The following MICAL3 variants were observed in gnomAD, a reference collection of about 807,000 sequenced individuals.
MICAL3 encodes the protein [F-actin]-monooxygenase MICAL3.
Under a neutral mutation model 207.4 loss-of-function variants are expected in MICAL3, and 62 were observed. The observed-to-expected ratio is 0.30, with a 90% CI of 0.24 to 0.37. The LOEUF is 0.37. Among genes scored for constraint, MICAL3 ranks in the 10% least tolerant of loss-of-function variants. The pLI is 1.00. For missense variants in MICAL3, 2,368 were observed against 2,635.6 expected (o/e 0.90, Z 2.22); for synonymous variants, 1,077 against 1,069.3 (o/e 1.01, Z -0.14).
In MICAL3 at chr22:17,793,192, C is replaced by T. The variant is rs1601909428; in HGVS notation, c.5651-1891G>A. Among the ~76,000 whole-genome samples, 1 of 152,312 alleles carries T rather than the reference C, an allele frequency of 6.6e-6. No homozygotes were observed. Among genetic ancestry groups the T allele is most frequent in the Non-Finnish European group, 1.5e-5 (1 of 68,014 alleles). On this transcript the variant is annotated intron_variant, in intron 29 of 31. Coordinates refer to ENST00000441493, the MANE Select transcript of MICAL3 (RefSeq NM_015241.3). The surrounding 1 kb of genome is among the most constrained non-coding windows in gnomAD (Gnocchi z 4.1). ...GTTAGCAGGGTTAGTCACGGCCACA[C>T]CCCCCACATGCCTTTCAACGACAAT...
chr22:17,962,712 T>A (rs554576049), intron 1 of MICAL3, among the ~76,000 whole-genome samples: 30,266 of 151,878 alleles, frequency 0.2, 3,159 homozygotes, highest in Middle Eastern at 0.27. Flanking sequence ...CAAGGACCCT[T>A]TGAACAGAAA....
chr22:17,893,816 G>T lies in MICAL3; in HGVS notation c.1538C>A (p.Thr513Asn). The stretch of plus-strand genomic sequence containing the variant: ...CCACCACCAGAACTCACCATTGCGA[G>T]TCAATTTGGGGGTGGTTCGGGAATT... ...LVNSRTTPKL[T>N]RNESVARSSK... Residue 513 changes from threonine to asparagine, a missense_variant, in exon 11 of 32, where the codon ACT (threonine) becomes AAT (asparagine). Thr to Asn is a moderately conservative substitution (Grantham distance 65). Around this residue, in one of 4 missense-constraint regions of MICAL3, gnomAD observed 147 missense variants for 137.7 expected, o/e 1.07. Transcript: ENST00000441493. 1 of 1,571,430 alleles carries T rather than the reference G, an allele frequency of 6.4e-7. No homozygotes were observed. The highest frequency in any genetic ancestry group is 8.6e-7 in the Non-Finnish European group (1 of 1,156,608).
At chr22:17,843,391 G>A (rs930252803) in intron 19 of MICAL3, among the ~76,000 whole-genome samples, 1 of 152,152 alleles carries the variant, frequency 6.6e-6, no homozygotes, top group African/African-American at 2.4e-5. Context: ...TGTGTCCCCT[G>A]TAATGTGAGT....
In MICAL3 at chr22:17,790,723, G is replaced by A; in HGVS notation, c.*9C>T. The A allele has an allele frequency of 6.3e-7, 1 of 1,584,830 alleles. No homozygotes were observed. Among genetic ancestry groups the A allele is most frequent in the African/African-American group, 1.3e-5 (1 of 74,268 alleles). ...GATGCCAACAGAAAATGGAGCGTTG[G>A]GTGGGAGCTCAGGACCAGTTAAGGC... is the stretch of plus-strand genomic sequence containing the variant. On this transcript the variant is annotated 3_prime_UTR_variant, in exon 32 of 32. Coordinates refer to ENST00000441493, the MANE Select transcript of MICAL3 (RefSeq NM_015241.3).
At chr22:17,903,542 G>A (rs1335906303) in intron 3 of MICAL3, among the ~76,000 whole-genome samples, 1 of 152,202 alleles carries the variant, frequency 6.6e-6, no homozygotes, top group African/African-American at 2.4e-5. Context: ...TGGAGCCTGT[G>A]ACTAATGTGC....
In MICAL3 at chr22:17,895,375, G is replaced by C. The variant is rs1447645669; in HGVS notation, c.1358C>G (p.Pro453Arg). 6.2e-7 allele frequency: 1 copy of C among 1,613,772 alleles called. No individual in the cohort carries two copies. Among genetic ancestry groups the C allele is most frequent in the East Asian group, 2.2e-5 (1 of 44,878 alleles). Residue 453 changes from proline to arginine, a missense_variant, in exon 10 of 32, where the codon CCT becomes CGT. Pro to Arg is a moderately radical substitution (Grantham distance 103). This residue lies in a region of MICAL3 where 147 missense variants were observed against 137.7 expected (regional missense o/e 1.07). Transcript: ENST00000441493. ...GCTGAAGTTCTTACTCACATTCTCA[G>C]GGGTGGTCTGAGGCAGCAACCTGTA... Reference protein sequence around the residue: ...SIYRLLPQTTPENVSKNFSQY... With the variant: ...SIYRLLPQTTRENVSKNFSQY...
chr22:17,996,221 C>T (rs1459995341), intron 1 of MICAL3, among the ~76,000 whole-genome samples: 1 of 150,212 alleles, frequency 6.7e-6, no homozygotes, highest in Non-Finnish European at 1.5e-5. Context: ...CAGTGGATCA[C>T]AAGGTCAGGA....
chr22:17,820,240 G>C (rs988845771), intron 25 of MICAL3, among the ~76,000 whole-genome samples: 1 of 151,804 alleles, frequency 6.6e-6, no homozygotes, highest in African/African-American at 2.4e-5. Context: ...CTTTCTCCCT[G>C]ATCTGACCTG....
At chr22:17,945,886 C>A (rs1934043448) in intron 1 of MICAL3, among the ~76,000 whole-genome samples, 1 of 152,238 alleles carries the variant, frequency 6.6e-6, no homozygotes, top group African/African-American at 2.4e-5. Flanking sequence ...GGAGCATGTT[C>A]ACTCGGTGGC....
At chr22:17,875,365 C>T in intron 16 of MICAL3, 1 of 822,314 alleles carries the variant, frequency 1.2e-6, no homozygotes, top group Non-Finnish European at 1.8e-6. Flanking sequence ...ACTGCAGCCT[C>T]CTGGGGTACA....
In MICAL3 at chr22:17,817,881, C is replaced by T. The variant is rs1459393601; in HGVS notation, c.4780G>A (p.Glu1594Lys). 9.9e-6 allele frequency: 16 copies of T among 1,612,282 alleles called. No individual in the cohort carries two copies. The highest frequency in any genetic ancestry group is 1.6e-4 in the Middle Eastern group (1 of 6,082). The change falls in exon 26 of 32, where the codon GAG becomes AAG. Residue 1594 changes from glutamate (E) to lysine (K), a missense_variant. Glu to Lys is a moderately conservative substitution (Grantham distance 56). Coordinates refer to ENST00000441493, the MANE Select transcript of MICAL3 (RefSeq NM_015241.3). ...LVSAEAKELA[E>K]ERMRAREKSV... ...TTCTCCCTGGCTCGCATGCGCTCCTCGGCCAACTCCTTGGCTTCCGCGGAC... is the reference window on the plus strand; with the variant it reads ...TTCTCCCTGGCTCGCATGCGCTCCTTGGCCAACTCCTTGGCTTCCGCGGAC...
intron 28 of MICAL3, among the ~76,000 whole-genome samples, chr22:17,810,144 G>A (rs1026651987): frequency 1.8e-4 from 26 of 147,326 alleles, no homozygotes; most frequent in Non-Finnish European, 3.1e-4. Flanking sequence ...CTCACTGCAA[G>A]CTCCACTTGC....
Position 17,902,476 on chromosome 22 carries a change from C to T in MICAL3, c.589+155G>A, listed in dbSNP as rs1239709305. On this transcript the variant is annotated intron_variant, in intron 4 of 31. Coordinates refer to ENST00000441493, the MANE Select transcript of MICAL3 (RefSeq NM_015241.3). This position sits in a 1 kb window ranked among gnomAD's most constrained non-coding sequence, Gnocchi z 4.5. ...CTTCCCACCACATGTGCGCCTGCGA[C>T]ATCTAAGGCTGCATCCAGGCCAAGT... Among the ~76,000 whole-genome samples, 1 of 152,236 alleles carries T rather than the reference C, an allele frequency of 6.6e-6. No individual in the cohort carries two copies. Among genetic ancestry groups the T allele is most frequent in the Non-Finnish European group, 1.5e-5 (1 of 68,038 alleles).
At chr22:17,888,230 T>A (rs1169304366) in intron 13 of MICAL3, among the ~76,000 whole-genome samples, 1 of 152,120 alleles carries the variant, frequency 6.6e-6, no homozygotes, top group East Asian at 1.9e-4. Context: ...ACAGGAAAAT[T>A]GAGTAACTTG....
chr22:17,872,041 C>A lies in MICAL3; in HGVS notation c.2242-18G>T. 1.3e-6 allele frequency: 2 copies of A among 1,583,012 alleles called. No homozygotes were observed. The highest frequency in any genetic ancestry group is 2.3e-5 in the South Asian group (2 of 86,442). On this transcript the variant is annotated intron_variant, in intron 16 of 31. Coordinates refer to ENST00000441493, the MANE Select transcript of MICAL3 (RefSeq NM_015241.3). ...ATGGAGCCCTGCAGGAGGTGGCGGT[C>A]GGGAGGAAGGGGAGCACCTCAGGGA... is the stretch of plus-strand genomic sequence containing the variant.
At chr22:17,942,691 A>C (rs1234042696) in intron 1 of MICAL3, among the ~76,000 whole-genome samples, 1 of 152,204 alleles carries the variant, frequency 6.6e-6, no homozygotes, top group African/African-American at 2.4e-5. Flanking sequence ...AGGCTTCCAG[A>C]GTGTCTGAAC....
At chr22:17,958,075 T>C (rs1192141761) in intron 1 of MICAL3, among the ~76,000 whole-genome samples, 1 of 152,220 alleles carries the variant, frequency 6.6e-6, no homozygotes, top group African/African-American at 2.4e-5. Flanking sequence ...ACGATCTCTT[T>C]AGTGGACCCC....
chr22:18,004,315 T>G (rs1043141974), intron 1 of MICAL3: 7 of 151,858 alleles, frequency 4.6e-5, no homozygotes, highest in Non-Finnish European at 7.3e-5. Flanking sequence ...TTGCCCAGGC[T>G]GGAGTGCATG....
At chr22:17,825,649 G>T (rs532954670) in intron 22 of MICAL3, among the ~76,000 whole-genome samples, 1 of 152,208 alleles carries the variant, frequency 6.6e-6, no homozygotes, top group Non-Finnish European at 1.5e-5. Context: ...AGAAGTGACC[G>T]CTAGGACAGT....
Sources: allele counts gnomAD v4.1 joint callset (sites outside exome capture counted in the v4.1 genomes callset), GRCh38; gene constraint gnomAD v4.1.1; regional missense constraint gnomAD v4.1.1; non-coding constraint Gnocchi (gnomAD v3.1); transcripts MANE v1.5; gene names NCBI Gene and HGNC (gene_info 2026-07-23, HGNC 2026-07-21).